Variants in RSF1 observed in about 807,000 individuals in gnomAD.
The protein encoded by RSF1 is HBV pX-associated protein 8.
A neutral mutation model predicts 145.2 loss-of-function variants in RSF1; 13 were observed. The ratio of observed to expected loss-of-function variants is 0.09; its 90% CI spans 0.06 to 0.14. RSF1 has a LOEUF of 0.14. RSF1 is among the 10% of genes least tolerant of loss of function. The pLI, the probability that RSF1 is intolerant of heterozygous loss-of-function variation, is 1.00. For missense variants in RSF1, 1,517 were observed against 1,718.2 expected, an observed-to-expected ratio of 0.88 and a Z score of 2.07; for synonymous variants, 577 against 592.6, an observed-to-expected ratio of 0.97 and a Z score of 0.38.
intron 2 of RSF1, among the ~76,000 whole-genome samples, chr11:77,759,591 G>A (rs959744376): frequency 4.6e-5 from 7 of 152,208 alleles, no homozygotes; most frequent in African/African-American, 1.7e-4. Context: ...GGCTGAGGCA[G>A]GAGAATCGCT....
chr11:77,682,850 T>G (rs551878430), intron 11 of RSF1, among the ~76,000 whole-genome samples: 11 of 152,142 alleles, frequency 7.2e-5, no homozygotes, highest in African/African-American at 2.2e-4. Context: ...AAGCTAAAAC[T>G]GAAAAGGAAA....
intron 1 of RSF1, among the ~76,000 whole-genome samples, chr11:77,768,307 C>T (rs556222350): frequency 1.4e-4 from 21 of 151,798 alleles, no homozygotes; most frequent in East Asian, 5.8e-4. Context: ...GGATTACAGG[C>T]GTGCGCCACC....
chr11:77,852,305 A>G, the RSF1 span, among the ~76,000 whole-genome samples: 15 of 151,788 alleles, frequency 9.9e-5, no homozygotes, highest in Non-Finnish European at 1.5e-5. Flanking sequence ...GATCATTTTT[A>G]ATGTTGTCAA....
intron 2 of RSF1, among the ~76,000 whole-genome samples, chr11:77,753,801 T>C (rs1948088236): frequency 6.6e-6 from 1 of 152,218 alleles, no homozygotes; most frequent in Non-Finnish European, 1.5e-5. Flanking sequence ...AACCTAAGAT[T>C]GGCCTTTTAA....
intron 15 of RSF1, among the ~76,000 whole-genome samples, chr11:77,669,941 C>A (rs1036350806): frequency 1.3e-5 from 2 of 152,132 alleles, no homozygotes; most frequent in African/African-American, 4.8e-5. Flanking sequence ...TCAGCCAGGG[C>A]AACACTGCAA....
intron 9 of RSF1, among the ~76,000 whole-genome samples, chr11:77,689,921 T>C (rs1960105427): frequency 6.6e-6 from 1 of 152,176 alleles, no homozygotes; most frequent in African/African-American, 2.4e-5. Flanking sequence ...CCCAGCTCTT[T>C]GGAAGGCCGA....
chr11:77,763,565 A>G (rs1948196993), intron 2 of RSF1: 1 of 152,182 alleles, frequency 6.6e-6, no homozygotes, highest in Admixed American at 6.5e-5. Context: ...GATAATCAGT[A>G]TTTTAAAGTT....
intron 2 of RSF1, among the ~76,000 whole-genome samples, chr11:77,750,774 A>G (rs1254404228): frequency 6.6e-6 from 1 of 152,234 alleles, no homozygotes; most frequent in Non-Finnish European, 1.5e-5. Context: ...TCTAATATCT[A>G]AAACATGAAC....
chr11:77,783,573 G>T (rs1015257669), intron 1 of RSF1, among the ~76,000 whole-genome samples: 2 of 152,148 alleles, frequency 1.3e-5, no homozygotes, highest in Non-Finnish European at 2.9e-5. Flanking sequence ...CGGGTGCAGT[G>T]GCTCACACCT....
At position 77,713,573 on chromosome 11, in the gene RSF1, A is replaced by G. The variant is rs1960738163; in HGVS notation, c.734-11078T>C. On this transcript the variant is annotated intron_variant, in intron 5 of 15. Coordinates refer to ENST00000308488, the MANE Select transcript of RSF1 (RefSeq NM_016578.4). ...CTACTTCAGGAAAGTGTTTTCCAAC[A>G]CAGTCTTTAGTTATTTATCTGTCCC... 2.6e-5 allele frequency among the ~76,000 whole-genome samples: 4 copies of G among 152,320 alleles called. No individual in the cohort carries two copies. The South Asian group carries it at 8.3e-4, about 32-fold the overall frequency.
upstream of RSF1, among the ~76,000 whole-genome samples, chr11:77,823,511 C>G (rs1949026888): frequency 6.7e-6 from 1 of 149,872 alleles, no homozygotes; most frequent in Admixed American, 6.8e-5. Flanking sequence ...AGGAGGACCC[C>G]TTGAGCCAAG....
chr11:77,749,666 C>T (rs1948039812), intron 2 of RSF1, among the ~76,000 whole-genome samples: 1 of 152,206 alleles, frequency 6.6e-6, no homozygotes, highest in Non-Finnish European at 1.5e-5. Context: ...CCTTTGCCCC[C>T]ACACTGTTTA....
At chr11:77,847,098 G>C in the RSF1 span, among the ~76,000 whole-genome samples, 6 of 152,188 alleles carry the variant, frequency 3.9e-5, no homozygotes, top group Admixed American at 2.0e-4. Context: ...TGACTGAGCA[G>C]AAATCTTTCC....
At chr11:77,725,821 T>C in intron 4 of RSF1, 122 bp from the exon 5 acceptor site, 1 of 672,106 alleles carries the variant, frequency 1.5e-6, no homozygotes, top group Non-Finnish European at 2.2e-6. Flanking sequence ...TCAAAAACAC[T>C]GGTACAGCTA....
chr11:77,860,344 G>A, the RSF1 span, among the ~76,000 whole-genome samples: 1 of 152,226 alleles, frequency 6.6e-6, no homozygotes, highest in Non-Finnish European at 1.5e-5. Context: ...TTATGCTAAG[G>A]AATCCTCTTA....
At chr11:77,680,181 C>T (rs1959819645) in intron 11 of RSF1, among the ~76,000 whole-genome samples, 1 of 152,064 alleles carries the variant, frequency 6.6e-6, no homozygotes, top group Non-Finnish European at 1.5e-5. Context: ...TGCAGTGGCT[C>T]AGCACTCTTG....
At chr11:77,802,004 AAAT>A (rs537970490) in intron 1 of RSF1, among the ~76,000 whole-genome samples, 3 of 151,976 alleles carry the variant, frequency 2.0e-5, no homozygotes, top group Admixed American at 6.6e-5. Context: ...CATTTCTATA[AAAT>A]AATAATAATA....
chr11:77,858,507 T>C, the RSF1 span, among the ~76,000 whole-genome samples: 4 of 151,848 alleles, frequency 2.6e-5, no homozygotes, highest in Non-Finnish European at 1.5e-5. Flanking sequence ...TGCTACCTGA[T>C]TGGTTGGGTG....
chr11:77,725,611 A>G lies in RSF1; in HGVS notation c.667T>C (p.Ser223Pro). Reference protein sequence around the residue: ...LLKNSSQQDNSSRESPSLEDE... With the variant: ...LLKNSSQQDNPSRESPSLEDE... ...TCTAAGCTGGGACTTTCCCGAGAAG[A>G]GTTGTCTTGTTGGCTAGAGTTTTTC... The change falls in exon 5 of 16, where the codon TCT becomes CCT. Residue 223 changes from serine to proline, a missense_variant. Around this residue, in one of 12 missense-constraint regions of RSF1, gnomAD observed 207 missense variants for 191.4 expected, o/e 1.08. Transcript: ENST00000308488. 6.2e-7 allele frequency: 1 copy of G among 1,611,342 alleles called. No individual in the cohort carries two copies. The highest frequency in any genetic ancestry group is 8.5e-7 in the Non-Finnish European group (1 of 1,178,602).
Sources: gnomAD v4.1 joint callset for allele counts (sites outside exome capture counted in the v4.1 genomes callset) on GRCh38, gnomAD v4.1.1 for gene constraint, gnomAD v4.1.1 regional missense constraint, MANE v1.5 for transcripts, NCBI Gene and HGNC (gene_info 2026-07-23, HGNC 2026-07-21) for gene names.